AGAP1: variants seen among roughly 807,000 people sequenced by gnomAD.
AGAP1 encodes the protein arf-GAP with GTPase, ANK repeat and PH domain-containing protein 1.
Under a neutral mutation model 105.3 loss-of-function variants are expected in AGAP1, and 29 were observed. The observed-to-expected ratio is 0.28, with a 90% CI of 0.21 to 0.38. AGAP1 has a LOEUF of 0.38. Among genes scored for constraint, AGAP1 ranks in the 10% least tolerant of loss-of-function variants. AGAP1 has a pLI of 1.00. For missense variants in AGAP1, 998 were observed against 1,165.1 expected (o/e 0.86, Z 2.09); for synonymous variants, 509 against 485.9 (o/e 1.05, Z -0.63).
At position 235,740,019 on chromosome 2, in the gene AGAP1, G is replaced by C. The variant is rs149585135; in HGVS notation, c.311-944G>C. On this transcript the variant is annotated intron_variant, in intron 3 of 17. Coordinates refer to ENST00000304032, the MANE Select transcript of AGAP1 (RefSeq NM_001037131.3). This position sits in a 1 kb window ranked among gnomAD's most constrained non-coding sequence, Gnocchi z 5.7. ...GAAGACAAGAGCTGGGAACCGATGC[G>C]TGCCTTCCCTCTTTAAAACAAGAGT... Among the ~76,000 whole-genome samples, 2 of 152,174 alleles carry C rather than the reference G, an allele frequency of 1.3e-5. No homozygotes were observed. Among genetic ancestry groups the C allele is most frequent in the African/African-American group, 4.8e-5 (2 of 41,458 alleles).
intron 3 of AGAP1, among the ~76,000 whole-genome samples, chr2:235,731,570 G>A (rs78675624): frequency 3.3e-5 from 5 of 152,142 alleles, no homozygotes; most frequent in Non-Finnish European, 7.3e-5. Context: ...CTCATGTTCT[G>A]GTTGTTGCAG....
rs1424190159 is a variant in AGAP1 at position 235,988,294 on chromosome 2, C to T, written c.1645+19671C>T. 3.3e-5 allele frequency among the ~76,000 whole-genome samples: 5 copies of T among 152,188 alleles called. No individual in the cohort carries two copies. Among genetic ancestry groups the T allele is most frequent in the East Asian group, 3.9e-4 (2 of 5,188 alleles). Reference sequence around the variant, plus strand: ...CTGACTTCAGGTGATCCACCTGCCTCGGCCTCCCAAAGTGGTAGGATTACA... The same window carrying T: ...CTGACTTCAGGTGATCCACCTGCCTTGGCCTCCCAAAGTGGTAGGATTACA... On this transcript the variant is annotated intron_variant, in intron 13 of 17. Transcript: ENST00000304032. This position sits in a 1 kb window ranked among gnomAD's most constrained non-coding sequence, Gnocchi z 4.7.
intron 6 of AGAP1, among the ~76,000 whole-genome samples, chr2:235,770,854 A>G (rs1955388200): frequency 6.6e-6 from 1 of 152,162 alleles, no homozygotes; most frequent in African/African-American, 2.4e-5. Flanking sequence ...AAAGATACTC[A>G]AGTTCTAATC....
At chr2:235,637,670 G>A (rs572317658) in intron 1 of AGAP1, among the ~76,000 whole-genome samples, 1 of 152,304 alleles carries the variant, frequency 6.6e-6, no homozygotes, top group African/African-American at 2.4e-5. Flanking sequence ...GGAAGAGGAA[G>A]TATTGTGTAT....
At position 235,701,504 on chromosome 2, in the gene AGAP1, CTG is replaced by C; in HGVS notation, c.164-7673_164-7672del. On this transcript the variant is annotated intron_variant, in intron 1 of 17. Coordinates refer to ENST00000304032, the MANE Select transcript of AGAP1 (RefSeq NM_001037131.3). This position sits in a 1 kb window ranked among gnomAD's most constrained non-coding sequence, Gnocchi z 4.1. ...TGTCCGGACATGTCAGGATGGGAAA[CTG>C]TCTTGTCTGTGGATCTTTGAGGCTG... 6.6e-6 allele frequency among the ~76,000 whole-genome samples: 1 copy of C among 152,302 alleles called. No individual in the cohort carries two copies. Among genetic ancestry groups the C allele is most frequent in the South Asian group, 2.1e-4 (1 of 4,830 alleles).
At position 236,108,820 on chromosome 2, in the gene AGAP1, A is replaced by G. The variant is rs1052818904; in HGVS notation, c.2115-11372A>G. Among the ~76,000 whole-genome samples the G allele has an allele frequency of 3.3e-5, 5 of 152,012 alleles. No homozygotes were observed. The Middle Eastern group carries it at 0.01, about 310-fold the overall frequency. ...GCCACACACAGCGGCCCCTGTGAGG[A>G]CTGAGGTGGACGTCTGGCTGCCCGC... On this transcript the variant is annotated intron_variant, in intron 16 of 17. Coordinates refer to ENST00000304032, the MANE Select transcript of AGAP1 (RefSeq NM_001037131.3).
rs1360392484 is a variant in AGAP1 at position 235,900,473 on chromosome 2, T to A, written c.1156-8265T>A. 4.0e-5 allele frequency among the ~76,000 whole-genome samples: 6 copies of A among 151,732 alleles called. No homozygotes were observed. Among genetic ancestry groups the A allele is most frequent in the Non-Finnish European group, 8.8e-5 (6 of 67,914 alleles). On this transcript the variant is annotated intron_variant, in intron 10 of 17. Coordinates refer to ENST00000304032, the MANE Select transcript of AGAP1 (RefSeq NM_001037131.3). The surrounding 1 kb of genome is among the most constrained non-coding windows in gnomAD (Gnocchi z 5.5). ...TGTTGTGGGAACAGGAAGCAAAAAT[T>A]TTGCTAGTGGGTCACTAGGGGTGAT...
At chr2:235,534,393 C>CT (rs1943142137) in intron 1 of AGAP1, among the ~76,000 whole-genome samples, 1 of 152,160 alleles carries the variant, frequency 6.6e-6, no homozygotes, top group Non-Finnish European at 1.5e-5. Flanking sequence ...CAGCATCCAT[C>CT]TGAGGACTCA....
intron 6 of AGAP1, among the ~76,000 whole-genome samples, chr2:235,758,869 T>A (rs1043799525): frequency 6.6e-5 from 10 of 152,218 alleles, no homozygotes; most frequent in African/African-American, 2.4e-4. Context: ...CTTGGTTCAC[T>A]GCAACCTCTG....
At chr2:236,015,966 C>G (rs2056687324) in intron 13 of AGAP1, among the ~76,000 whole-genome samples, 1 of 152,146 alleles carries the variant, frequency 6.6e-6, no homozygotes, top group African/African-American at 2.4e-5. Flanking sequence ...CGATTTATAT[C>G]ACCATCCTCT....
At chr2:235,816,344 AG>A (rs1167258857) in intron 9 of AGAP1, among the ~76,000 whole-genome samples, 13 of 151,302 alleles carry the variant, frequency 8.6e-5, no homozygotes, top group African/African-American at 3.2e-4. Context: ...AGCCTGAGGC[AG>A]GAGAATCGCA....
At chr2:235,743,073 A>G (rs1177075487) in intron 4 of AGAP1, among the ~76,000 whole-genome samples, 1 of 152,250 alleles carries the variant, frequency 6.6e-6, no homozygotes, top group East Asian at 1.9e-4. Flanking sequence ...AGGCTGAGGC[A>G]GCAGAATCCC....
Position 235,729,677 on chromosome 2 carries a change from G to C in AGAP1, c.311-11286G>C, listed in dbSNP as rs532177196. ...GCCTCCTTCCATTAAAGCCATTACA[G>C]TGTCACCACAGGATTGTAAGAATTA... On this transcript the variant is annotated intron_variant, in intron 3 of 17. Coordinates refer to ENST00000304032, the MANE Select transcript of AGAP1 (RefSeq NM_001037131.3). The surrounding 1 kb of genome is among the most constrained non-coding windows in gnomAD (Gnocchi z 5.0). 6.6e-6 allele frequency among the ~76,000 whole-genome samples: 1 copy of C among 152,116 alleles called. No homozygotes were observed. Among genetic ancestry groups the C allele is most frequent in the African/African-American group, 2.4e-5 (1 of 41,384 alleles).
chr2:235,565,074 C>T (rs1944303476), intron 1 of AGAP1, among the ~76,000 whole-genome samples: 1 of 146,944 alleles, frequency 6.8e-6, no homozygotes, highest in Non-Finnish European at 1.5e-5. Context: ...TGAGCCTGGA[C>T]CACCACCCAC....
In AGAP1 at chr2:235,723,390, A is replaced by G. The variant is rs1365116492; in HGVS notation, c.310+5746A>G. On this transcript the variant is annotated intron_variant, in intron 3 of 17. Transcript: ENST00000304032. The surrounding 1 kb of genome is among the most constrained non-coding windows in gnomAD (Gnocchi z 6.2). ...CAAAAGAGAAAAAGTCAAAGGAAAC[A>G]AAGCTAGGATGTCCAGTATTATGTG... Among the ~76,000 whole-genome samples, 1 of 152,200 alleles carries G rather than the reference A, an allele frequency of 6.6e-6. No homozygotes were observed. Among genetic ancestry groups the G allele is most frequent in the South Asian group, 2.1e-4 (1 of 4,832 alleles).
intron 16 of AGAP1, among the ~76,000 whole-genome samples, chr2:236,077,786 C>T (rs994736402): frequency 6.6e-6 from 1 of 152,178 alleles, no homozygotes; most frequent in Non-Finnish European, 1.5e-5. Context: ...ATGATTAATT[C>T]ATTTCTAAGG....
intron 1 of AGAP1, among the ~76,000 whole-genome samples, chr2:235,571,975 T>TACACACACACAC (rs371181654): frequency 8.9e-5 from 7 of 78,984 alleles, no homozygotes; most frequent in African/African-American, 4.0e-4. Flanking sequence ...TATATATGTA[T>TACACACACACAC]ACACACACAC....
intron 9 of AGAP1, among the ~76,000 whole-genome samples, chr2:235,835,012 G>A (rs556765275): frequency 1.3e-5 from 2 of 152,316 alleles, no homozygotes; most frequent in South Asian, 4.1e-4. Context: ...AACCAGAGCA[G>A]GGAGTCTCGC....
rs2058096737 is a variant in AGAP1, at chr2:236,058,099, G to C, written c.2114+8818G>C. ...CAAGCCTACCCAGTCAGCATCCCTAGGGGGTAGGGTCCAGTGGTGTGTTTT... is the reference window on the plus strand; with the variant it reads ...CAAGCCTACCCAGTCAGCATCCCTACGGGGTAGGGTCCAGTGGTGTGTTTT... On this transcript the variant is annotated intron_variant, in intron 16 of 17. Coordinates refer to ENST00000304032, the MANE Select transcript of AGAP1 (RefSeq NM_001037131.3). This position sits in a 1 kb window ranked among gnomAD's most constrained non-coding sequence, Gnocchi z 4.6. 6.6e-6 allele frequency among the ~76,000 whole-genome samples: 1 copy of C among 152,150 alleles called. No homozygotes were observed. The highest frequency in any genetic ancestry group is 6.5e-5 in the Admixed American group (1 of 15,282).
Sources: gnomAD v4.1 joint callset for allele counts (sites outside exome capture counted in the v4.1 genomes callset) on GRCh38, gnomAD v4.1.1 for gene constraint, Gnocchi (gnomAD v3.1) non-coding constraint, MANE v1.5 for transcripts, NCBI Gene and HGNC (gene_info 2026-07-23, HGNC 2026-07-21) for gene names.